The following STK10 variants were observed in gnomAD, a reference collection of about 807,000 sequenced individuals.
STK10 encodes the protein serine/threonine kinase 10.
A neutral mutation model predicts 113.8 loss-of-function variants in STK10; 78 were observed. The observed-to-expected ratio is 0.69, with a 90% CI of 0.57 to 0.83. The LOEUF is 0.83. STK10 is among the 40% of genes least tolerant of loss of function. The pLI is 0.00. For synonymous variants in STK10, 465 were observed against 494.7 expected (o/e 0.94, Z 0.80); for missense variants, 1,109 against 1,280.1 (o/e 0.87, Z 2.04).
chr5:172,044,864 C>T lies in STK10; in HGVS notation c.*18G>A, dbSNP rs1767462771. 16 of 1,614,116 alleles carry T rather than the reference C, an allele frequency of 9.9e-6. No homozygotes were observed. In the East Asian group the frequency reaches 3.6e-4, roughly 36 times the overall value. ...CCCTGGGGCCCACCAAGCTGCCAGC[C>T]ACAGCCCCGGGCGGTTGTTAAGAAG... On this transcript the variant is annotated 3_prime_UTR_variant, in exon 19 of 19. Transcript: ENST00000176763. The surrounding 1 kb of genome is among the most constrained non-coding windows in gnomAD (Gnocchi z 4.5).
At chr5:172,055,548 A>G (rs1473014525) in intron 16 of STK10, 40 bp downstream of exon 16, 4 of 1,381,538 alleles carry the variant, frequency 2.9e-6, no homozygotes, top group East Asian at 5.5e-5. Flanking sequence ...CCCTGCCTAC[A>G]CCCCAGCACA....
At chr5:172,176,098 TG>T (rs896212971) in intron 1 of STK10, among the ~76,000 whole-genome samples, 2 of 152,236 alleles carry the variant, frequency 1.3e-5, no homozygotes, top group African/African-American at 4.8e-5. Context: ...GTGGTTTCCA[TG>T]GGTTGTCTCA....
chr5:172,186,445 G>A (rs893510949), intron 1 of STK10, among the ~76,000 whole-genome samples: 2 of 152,012 alleles, frequency 1.3e-5, no homozygotes, highest in Admixed American at 6.6e-5. Context: ...GCTACGTGGC[G>A]AAACCCCAAG....
At chr5:172,137,953 C>T (rs565259007) in intron 2 of STK10, among the ~76,000 whole-genome samples, 24 of 151,226 alleles carry the variant, frequency 1.6e-4, no homozygotes, top group Admixed American at 1.3e-3. Context: ...CAATTAACAT[C>T]GCACTTAATG....
At chr5:172,182,033 G>A (rs916388099) in intron 1 of STK10, among the ~76,000 whole-genome samples, 21 of 151,918 alleles carry the variant, frequency 1.4e-4, no homozygotes, top group Non-Finnish European at 2.2e-4. Context: ...AGGCCGGCTC[G>A]GTGGCTCACG....
In STK10 at chr5:172,057,308, CCCGGCAGCAGATCCGAGCCCCGTGCCA is replaced by C; in HGVS notation, c.2337+14_2337+40del. ...CAGCCTCATGGCTCTCCCAGGTCGG[CCCGGCAGCAGATCCGAGCCCCGTGCCA>C]CCGGCAGCCTCACCTTCTCATGCTT... On this transcript the variant is annotated intron_variant, in intron 15 of 18. Transcript: ENST00000176763. 3 of 1,567,430 alleles carry C rather than the reference CCCGGCAGCAGATCCGAGCCCCGTGCCA, an allele frequency of 1.9e-6. No homozygotes were observed. The South Asian group carries it at 3.5e-5, about 18-fold the overall frequency.
chr5:172,137,957 C>G (rs1049154112), intron 2 of STK10, among the ~76,000 whole-genome samples: 2 of 151,276 alleles, frequency 1.3e-5, no homozygotes, highest in Admixed American at 1.3e-4. Context: ...TAACATCGCA[C>G]TTAATGGTGA....
At chr5:172,139,922 A>C (rs1481818760) in intron 2 of STK10, among the ~76,000 whole-genome samples, 1 of 146,760 alleles carries the variant, frequency 6.8e-6, no homozygotes, top group Non-Finnish European at 1.5e-5. Flanking sequence ...AAAAAAACCC[A>C]AAAATAAACA....
At chr5:172,116,529 T>TA (rs533740741) in intron 4 of STK10, among the ~76,000 whole-genome samples, 120 of 151,990 alleles carry the variant, frequency 7.9e-4, no homozygotes, top group African/African-American at 2.8e-3. Context: ...TTATTTTGGT[T>TA]AAAAAAATAA....
chr5:172,045,011 C>T lies in STK10; in HGVS notation c.2778G>A (p.Glu926=), dbSNP rs770457730. Reference sequence around the variant, plus strand: ...GCTCCCGCTTCTTCTGGTTCAGATCCTCTTCCAGAGCCTAGGGAAGAGAGA... The same window carrying T: ...GCTCCCGCTTCTTCTGGTTCAGATCTTCTTCCAGAGCCTAGGGAAGAGAGA... ...KLRPRKKALE[E]DLNQKKREQE... is the part of the protein sequence containing the mutation. Residue 926 remains glutamate, a synonymous_variant, in exon 19 of 19, where the codon GAG becomes GAA. Coordinates refer to ENST00000176763, the MANE Select transcript of STK10 (RefSeq NM_005990.4). 5.0e-6 allele frequency: 8 copies of T among 1,614,164 alleles called. No individual in the cohort carries two copies. Among genetic ancestry groups the T allele is most frequent in the Non-Finnish European group, 6.8e-6 (8 of 1,180,042 alleles).
chr5:172,062,859 A>C (rs1309559650), intron 13 of STK10, among the ~76,000 whole-genome samples: 1 of 152,240 alleles, frequency 6.6e-6, no homozygotes, highest in Non-Finnish European at 1.5e-5. Flanking sequence ...ACGCCACTAC[A>C]CTGTACACTT....
chr5:172,139,818 C>G (rs1388606831), intron 2 of STK10, among the ~76,000 whole-genome samples: 1 of 150,634 alleles, frequency 6.6e-6, no homozygotes, highest in Non-Finnish European at 1.5e-5. Context: ...TGTCATAAAA[C>G]TCCTAGAAGA....
intron 12 of STK10, among the ~76,000 whole-genome samples, chr5:172,070,255 A>ATATATATCTATATATC (rs948637964): frequency 2.7e-5 from 4 of 147,126 alleles, no homozygotes; most frequent in African/African-American, 1.0e-4. Context: ...CCTCAAAAAA[A>ATATATATCTATATATC]TATATATCTA....
rs539027153 is a variant in STK10, at chr5:172,113,044, G to A, written c.520+4437C>T. ...ATTACAGGCATGAGCCAACGCGCCCGACCCACTTTTGTTCTTTAAAATGTT... is the reference window on the plus strand; with the variant it reads ...ATTACAGGCATGAGCCAACGCGCCCAACCCACTTTTGTTCTTTAAAATGTT... On this transcript the variant is annotated intron_variant, in intron 4 of 18. Coordinates refer to ENST00000176763, the MANE Select transcript of STK10 (RefSeq NM_005990.4). Among the ~76,000 whole-genome samples the A allele has an allele frequency of 2.1e-4, 32 of 152,288 alleles. No homozygotes were observed. The South Asian group carries it at 6.4e-3, about 31-fold the overall frequency.
chr5:172,048,604 C>G (rs990422262), intron 18 of STK10, among the ~76,000 whole-genome samples: 3 of 151,772 alleles, frequency 2.0e-5, no homozygotes, highest in Non-Finnish European at 4.4e-5. Flanking sequence ...TTCCCCCAAC[C>G]TCTGATACCA....
chr5:172,091,531 CT>C (rs778673700), intron 9 of STK10, among the ~76,000 whole-genome samples: 3,932 of 131,810 alleles, frequency 0.03, 169 homozygotes, highest in African/African-American at 0.11. Flanking sequence ...TTCAAAGCCT[CT>C]TTTTTTTTTT....
chr5:172,141,946 T>C (rs1174556930), intron 2 of STK10, among the ~76,000 whole-genome samples: 1 of 152,168 alleles, frequency 6.6e-6, no homozygotes, highest in Non-Finnish European at 1.5e-5. Flanking sequence ...GCAACACCTC[T>C]AAGGTAACTC....
intron 2 of STK10, among the ~76,000 whole-genome samples, chr5:172,151,661 T>C (rs1467032148): frequency 6.6e-6 from 1 of 152,182 alleles, no homozygotes; most frequent in Non-Finnish European, 1.5e-5. Flanking sequence ...CAATTTTATA[T>C]CCATCCTGAT....
Position 172,082,241 on chromosome 5 carries a change from G to T in STK10, c.1989+85C>A. The T allele has an allele frequency of 7.1e-7, 1 of 1,408,372 alleles. No homozygotes were observed. Among genetic ancestry groups the T allele is most frequent in the Non-Finnish European group, 9.3e-7 (1 of 1,070,464 alleles). The allele number at this position is 1,408,372 out of a possible 1,614,324, so 87.2% of individuals were successfully genotyped here. On this transcript the variant is annotated intron_variant, in intron 12 of 18. Coordinates refer to ENST00000176763, the MANE Select transcript of STK10 (RefSeq NM_005990.4). This position sits in a 1 kb window ranked among gnomAD's most constrained non-coding sequence, Gnocchi z 4.3. ...TTCAGCCGTACCCCTCTGCTGCCAAGGTGAGGTTGAGGCCACGATCACTTG... is the reference window on the plus strand; with the variant it reads ...TTCAGCCGTACCCCTCTGCTGCCAATGTGAGGTTGAGGCCACGATCACTTG...
Sources: gnomAD v4.1 joint callset for allele counts (sites outside exome capture counted in the v4.1 genomes callset) on GRCh38, gnomAD v4.1.1 for gene constraint, Gnocchi (gnomAD v3.1) non-coding constraint, MANE v1.5 for transcripts, NCBI Gene and HGNC (gene_info 2026-07-23, HGNC 2026-07-21) for gene names.